NKAIN3: variants seen among roughly 807,000 people sequenced by gnomAD.
The protein encoded by NKAIN3 is sodium/potassium transporting ATPase interacting 3, also known as sodium/potassium-transporting ATPase subunit beta-1-interacting protein 3.
Under a neutral mutation model 30.2 loss-of-function variants are expected in NKAIN3, and 25 were observed. The observed-to-expected ratio is 0.83, with a 90% CI of 0.60 to 1.16. The LOEUF (loss-of-function observed/expected upper bound fraction) is 1.16, where lower values mean the gene tolerates loss of function less well. Among genes scored for constraint, NKAIN3 ranks in the 50% most tolerant of loss-of-function variants. The pLI is 0.00. For missense variants in NKAIN3, 225 were observed against 254.1 expected (o/e 0.89, Z 0.78); for synonymous variants, 91 against 89.6 (o/e 1.02, Z -0.09).
intron 3 of NKAIN3, among the ~76,000 whole-genome samples, chr8:62,616,021 G>A (rs184396750): frequency 4.9e-4 from 75 of 152,142 alleles, no homozygotes; most frequent in African/African-American, 1.7e-3. Flanking sequence ...AGGGATGATC[G>A]GTGGCGTTTT....
rs371490433 is a variant in NKAIN3, at chr8:62,982,315, C to T, written c.*16908C>T. 6.6e-6 allele frequency: 1 copy of T among 152,080 alleles called. No homozygotes were observed. The highest frequency in any genetic ancestry group is 2.4e-5 in the African/African-American group (1 of 41,402). 9.4% of individuals were successfully genotyped at this position (152,080 alleles called of 1,614,324 possible). On this transcript the variant is annotated 3_prime_UTR_variant, in exon 7 of 7. Transcript: ENST00000623646. ...GATCTTATTTTCATCTGCTGGAAAA[C>T]TTTTTCTGATAACCATACATATCTT...
At chr8:62,446,946 C>T (rs1358445026) in intron 1 of NKAIN3, among the ~76,000 whole-genome samples, 1 of 151,964 alleles carries the variant, frequency 6.6e-6, no homozygotes, top group East Asian at 1.9e-4. Context: ...TCATGTATAT[C>T]TATATATGAT....
chr8:62,469,785 T>TCTACTG (rs1173582837), intron 1 of NKAIN3, among the ~76,000 whole-genome samples: 1 of 152,108 alleles, frequency 6.6e-6, no homozygotes, highest in Non-Finnish European at 1.5e-5. Flanking sequence ...CTAAGAAAGA[T>TCTACTG]TGCAGTGTAC....
chr8:62,896,379 G>T (rs1021402724), intron 4 of NKAIN3, among the ~76,000 whole-genome samples: 22 of 152,154 alleles, frequency 1.4e-4, no homozygotes, highest in Admixed American at 5.2e-4. Context: ...ACATTCTGAG[G>T]GGACACAAGC....
At chr8:62,667,361 GTATA>G (rs61113266) in intron 3 of NKAIN3, among the ~76,000 whole-genome samples, 10 of 137,050 alleles carry the variant, frequency 7.3e-5, no homozygotes, top group African/African-American at 2.4e-4. Context: ...ATATATATCT[GTATA>G]TATATATATA....
At chr8:62,518,741 C>T (rs186884937) in intron 1 of NKAIN3, among the ~76,000 whole-genome samples, 91 of 152,188 alleles carry the variant, frequency 6.0e-4, no homozygotes, top group African/African-American at 1.9e-3. Context: ...GACAAAAAAA[C>T]GAACCTTGAA....
At chr8:62,917,484 C>T (rs143250157) in intron 4 of NKAIN3, among the ~76,000 whole-genome samples, 2 of 152,148 alleles carry the variant, frequency 1.3e-5, no homozygotes, top group African/African-American at 4.8e-5. Flanking sequence ...TCCAGACAGT[C>T]CAGAGATGGA....
intron 4 of NKAIN3, among the ~76,000 whole-genome samples, chr8:62,821,639 C>T (rs1248825157): frequency 6.6e-5 from 10 of 152,012 alleles, no homozygotes; most frequent in African/African-American, 2.4e-4. Context: ...AAGTAGAAGA[C>T]ACATACCTAT....
At chr8:62,554,554 G>A (rs931139167) in intron 1 of NKAIN3, among the ~76,000 whole-genome samples, 1 of 151,986 alleles carries the variant, frequency 6.6e-6, no homozygotes, top group African/African-American at 2.4e-5. Context: ...TTCTTTACAT[G>A]GATTTGTAAA....
chr8:62,483,506 T>G (rs1806798364), intron 1 of NKAIN3: 1 of 164,508 alleles, frequency 6.1e-6, no homozygotes, highest in Non-Finnish European at 1.3e-5. Context: ...GAGTGTGTGG[T>G]CATCCCTGGT....
At chr8:62,425,434 C>A (rs1016443010) in intron 1 of NKAIN3, among the ~76,000 whole-genome samples, 3 of 151,748 alleles carry the variant, frequency 2.0e-5, no homozygotes, top group African/African-American at 7.2e-5. Flanking sequence ...AATGTACCTG[C>A]TACAAAACTC....
At chr8:62,572,847 A>C (rs1345772432) in intron 1 of NKAIN3, among the ~76,000 whole-genome samples, 1 of 152,210 alleles carries the variant, frequency 6.6e-6, no homozygotes, top group Non-Finnish European at 1.5e-5. Context: ...TGGGAGCTAC[A>C]AGATGAGATT....
chr8:62,379,431 T>C (rs766730637), intron 1 of NKAIN3, among the ~76,000 whole-genome samples: 20 of 152,308 alleles, frequency 1.3e-4, no homozygotes, highest in Admixed American at 3.9e-4. Flanking sequence ...AGGGGTGGAA[T>C]GATATGGTTT....
intron 1 of NKAIN3, among the ~76,000 whole-genome samples, chr8:62,298,494 C>A (rs1025434639): frequency 2.6e-5 from 4 of 152,096 alleles, no homozygotes; most frequent in African/African-American, 9.7e-5. Flanking sequence ...CAGTCCACAG[C>A]AGAGACTCTT....
intron 4 of NKAIN3, among the ~76,000 whole-genome samples, chr8:62,794,501 C>A (rs1817799151): frequency 6.6e-6 from 1 of 152,106 alleles, no homozygotes; most frequent in Non-Finnish European, 1.5e-5. Context: ...ACCCCCCCAC[C>A]AAATCTACAT....
At chr8:62,556,859 A>T (rs367767852) in intron 1 of NKAIN3, among the ~76,000 whole-genome samples, 3 of 152,204 alleles carry the variant, frequency 2.0e-5, no homozygotes, top group East Asian at 3.9e-4. Flanking sequence ...CACATGGTTT[A>T]GTGCTTGAGA....
At chr8:62,896,510 G>A (rs4237055) in intron 4 of NKAIN3, among the ~76,000 whole-genome samples, 117,389 of 152,040 alleles carry the variant, frequency 0.77, 46,152 homozygotes, top group East Asian at 0.93. Context: ...TTTTTCCACC[G>A]TAAGTTTATA....
chr8:62,332,542 T>C (rs1815390303), intron 1 of NKAIN3, among the ~76,000 whole-genome samples: 1 of 152,084 alleles, frequency 6.6e-6, no homozygotes, highest in African/African-American at 2.4e-5. Context: ...ACTATAGTGG[T>C]TGAGTGACAT....
At chr8:62,928,163 T>C (rs1386458838) in intron 5 of NKAIN3, among the ~76,000 whole-genome samples, 4 of 152,234 alleles carry the variant, frequency 2.6e-5, no homozygotes, top group African/African-American at 9.6e-5. Context: ...AATGCAAGTG[T>C]GAAAAAAAAT....
Sources: gnomAD v4.1 joint callset for allele counts (sites outside exome capture counted in the v4.1 genomes callset) on GRCh38, gnomAD v4.1.1 for gene constraint, MANE v1.5 for transcripts, NCBI Gene and HGNC (gene_info 2026-07-23, HGNC 2026-07-21) for gene names.